The following PDE3A variants were observed in gnomAD, a reference collection of about 807,000 sequenced individuals.
PDE3A encodes the protein phosphodiesterase 3A, also known as cGMP-inhibited 3',5'-cyclic phosphodiesterase 3A.
In PDE3A, 43 loss-of-function variants were observed where a neutral mutation model predicts 98.3. The ratio of observed to expected loss-of-function variants is 0.44; its 90% CI spans 0.34 to 0.56. PDE3A has a LOEUF of 0.56. Among genes scored for constraint, PDE3A ranks in the 20% least tolerant of loss-of-function variants. The probability of loss-of-function intolerance (pLI) is 0.01; values close to 1 mark genes in which losing one functional copy is unlikely to be tolerated. For missense variants in PDE3A, 1,427 were observed against 1,440.7 expected, an observed-to-expected ratio of 0.99 and a Z score of 0.15; for synonymous variants, 663 against 567.9, an observed-to-expected ratio of 1.17 and a Z score of -2.38.
intron 1 of PDE3A, among the ~76,000 whole-genome samples, chr12:20,522,138 C>T (rs759792679): frequency 2.0e-5 from 3 of 152,068 alleles, no homozygotes; most frequent in Non-Finnish European, 4.4e-5. Context: ...GTCTACTGTA[C>T]AGGGTCATTC....
chr12:20,662,089 C>G (rs895370785), intron 15 of PDE3A, among the ~76,000 whole-genome samples: 2 of 151,586 alleles, frequency 1.3e-5, no homozygotes, highest in African/African-American at 4.8e-5. Context: ...TTCCACCATG[C>G]TTGTCAGGTC....
rs1945999549 is a variant in PDE3A at position 20,687,419 on chromosome 12, A to C, written c.*7148A>C. On this transcript the variant is annotated 3_prime_UTR_variant, in exon 16 of 16. Transcript: ENST00000359062. ...GGCTTTACTTAATACATATTTGTTC[A>C]TCAGCTTAAAAAATCACTAAATTTT... Among the ~76,000 whole-genome samples, 2 of 152,064 alleles carry C rather than the reference A, an allele frequency of 1.3e-5. No individual in the cohort carries two copies. The highest frequency in any genetic ancestry group is 2.9e-5 in the Non-Finnish European group (2 of 67,948).
intron 1 of PDE3A, among the ~76,000 whole-genome samples, chr12:20,431,615 A>ACACACACACG (rs1186862562): frequency 1.3e-5 from 2 of 151,634 alleles, no homozygotes. Context: ...ACACACACAC[A>ACACACACACG]CACACACGCA....
chr12:20,420,329 C>T (rs917372033), intron 1 of PDE3A, among the ~76,000 whole-genome samples: 2 of 152,142 alleles, frequency 1.3e-5, no homozygotes, highest in Non-Finnish European at 1.5e-5. Flanking sequence ...ATCCGATCTC[C>T]ACGCTCTAAA....
rs1437188341 is a variant in PDE3A at position 20,368,897 on chromosome 12, A to T, written c.-388A>T. Among the ~76,000 whole-genome samples the T allele has an allele frequency of 5.3e-5, 8 of 151,568 alleles. No individual in the cohort carries two copies. The highest frequency in any genetic ancestry group is 1.0e-4 in the Non-Finnish European group (7 of 67,906). Reference sequence around the variant, plus strand: ...AGCGTCAGCGGCTCCTGCGCGCGGGATGCATTGGGCAATTTTTGAAATCCT... The same window carrying T: ...AGCGTCAGCGGCTCCTGCGCGCGGGTTGCATTGGGCAATTTTTGAAATCCT... On this transcript the variant is annotated 5_prime_UTR_variant, in exon 1 of 16. The change abolishes an upstream ATG in the 5' untranslated region. Transcript: ENST00000359062.
chr12:20,482,677 A>G (rs932448428), intron 1 of PDE3A, among the ~76,000 whole-genome samples: 2 of 152,232 alleles, frequency 1.3e-5, no homozygotes, highest in African/African-American at 4.8e-5. Flanking sequence ...ATGTGAAAGA[A>G]TCTATGTAAA....
chr12:20,533,730 C>A (rs1022293838), intron 1 of PDE3A, among the ~76,000 whole-genome samples: 2 of 151,554 alleles, frequency 1.3e-5, no homozygotes, highest in Non-Finnish European at 2.9e-5. Flanking sequence ...TCCGCCCCGC[C>A]CCCCTTTGGA....
Position 20,648,692 on chromosome 12 carries a change from T to C in PDE3A, c.2570T>C (p.Val857Ala). 6.2e-7 allele frequency: 1 copy of C among 1,600,092 alleles called. No individual in the cohort carries two copies. The highest frequency in any genetic ancestry group is 8.6e-7 in the Non-Finnish European group (1 of 1,167,428). The change falls in exon 13 of 16, where the codon GTG becomes GCG. Residue 857 changes from valine (V) to alanine (A), a missense_variant. Around this residue, in one of 3 missense-constraint regions of PDE3A, gnomAD observed 273 missense variants for 420.3 expected, o/e 0.65. Transcript: ENST00000359062. ...FLVATSAPQA[V>A]LYNDRSVLEN... ...TTAACTGTCTTATTTGCCTAGGCGG[T>C]GCTATATAACGATCGTTCAGTTTTG...
intron 3 of PDE3A, 112 bp from the exon 4 acceptor site, chr12:20,616,118 A>G: frequency 2.1e-6 from 2 of 938,808 alleles, no homozygotes; most frequent in Non-Finnish European, 3.1e-6. Flanking sequence ...TATTAAACCA[A>G]TGTAATTTAG....
chr12:20,472,527 C>G (rs1286848136), intron 1 of PDE3A, among the ~76,000 whole-genome samples: 1 of 152,086 alleles, frequency 6.6e-6, no homozygotes, highest in South Asian at 2.1e-4. Context: ...CTACACTCTT[C>G]AGTTGTTAAA....
At chr12:20,557,609 G>A (rs1942403914) in intron 2 of PDE3A, among the ~76,000 whole-genome samples, 1 of 152,172 alleles carries the variant, frequency 6.6e-6, no homozygotes, top group Non-Finnish European at 1.5e-5. Flanking sequence ...TCTCCCAAGT[G>A]TTTACAAAGC....
intron 1 of PDE3A, among the ~76,000 whole-genome samples, chr12:20,455,947 T>C (rs1945145001): frequency 1.3e-5 from 2 of 152,176 alleles, no homozygotes; most frequent in South Asian, 4.1e-4. Context: ...CCTATCAATG[T>C]AACATACTTA....
rs150321400 is a variant in PDE3A, at chr12:20,577,491, A to G, written c.1011+20781A>G. 1.6e-4 allele frequency among the ~76,000 whole-genome samples: 25 copies of G among 152,274 alleles called. No homozygotes were observed. The East Asian group carries it at 3.9e-3, about 24-fold the overall frequency. The stretch of plus-strand genomic sequence containing the variant: ...TGTCAATAATATCAACACACATTAA[A>G]CTGAACCGCATATTCAGTTTAATGT... On this transcript the variant is annotated intron_variant, in intron 2 of 15. Transcript: ENST00000359062.
intron 1 of PDE3A, among the ~76,000 whole-genome samples, chr12:20,435,089 A>G (rs1174543330): frequency 6.6e-6 from 1 of 152,180 alleles, no homozygotes. Flanking sequence ...CATTTTCCTG[A>G]GTGCTGGAGC....
chr12:20,604,210 G>C (rs1472144468), intron 2 of PDE3A, among the ~76,000 whole-genome samples: 1 of 151,080 alleles, frequency 6.6e-6, no homozygotes, highest in Non-Finnish European at 1.5e-5. Flanking sequence ...GGAGAGAAGA[G>C]GGGAGGGGAG....
Position 20,369,856 on chromosome 12 carries a change from CG to C in PDE3A, c.577del (p.Val193TrpfsTer14), listed in dbSNP as rs1391469969. On this transcript the variant is annotated frameshift_variant, in exon 1 of 16. Coordinates refer to ENST00000359062, the MANE Select transcript of PDE3A (RefSeq NM_000921.5). LOFTEE classifies it high-confidence loss of function. Reference protein sequence around the residue: ...GEDHLLSLPAAGVVLSCLAAA... With the variant: ...GEDHLLSLPAXGVVLSCLAAA... ...GATCACTTACTCTCACTCCCCGCCG[CG>C]GGGGTGGTGCTCAGCTGCTTGGCCG... 3.1e-6 allele frequency: 5 copies of C among 1,612,296 alleles called. No individual in the cohort carries two copies. The highest frequency in any genetic ancestry group is 4.2e-6 in the Non-Finnish European group (5 of 1,179,460).
chr12:20,493,910 G>A (rs773882815), intron 1 of PDE3A, among the ~76,000 whole-genome samples: 8 of 152,228 alleles, frequency 5.3e-5, no homozygotes, highest in East Asian at 1.9e-4. Flanking sequence ...GATTACAGGC[G>A]TGAGCCAGCA....
intron 1 of PDE3A, among the ~76,000 whole-genome samples, chr12:20,474,913 G>T (rs1565560978): frequency 6.6e-6 from 1 of 152,050 alleles, no homozygotes; most frequent in Non-Finnish European, 1.5e-5. Context: ...TTAGAATGTG[G>T]CTATCTTTGG....
At chr12:20,481,424 T>C (rs1945623111) in intron 1 of PDE3A, among the ~76,000 whole-genome samples, 2 of 152,216 alleles carry the variant, frequency 1.3e-5, no homozygotes, top group Non-Finnish European at 2.9e-5. Flanking sequence ...TTATTTGCTT[T>C]ATGTGGCTCT....
Sources: allele counts gnomAD v4.1 joint callset (sites outside exome capture counted in the v4.1 genomes callset), GRCh38; gene constraint gnomAD v4.1.1; regional missense constraint gnomAD v4.1.1; transcripts MANE v1.5; gene names NCBI Gene and HGNC (gene_info 2026-07-23, HGNC 2026-07-21).